FAM110A: variants seen among roughly 807,000 people sequenced by gnomAD.
FAM110A encodes protein FAM110A.
In FAM110A, 1 loss-of-function variant was observed where a neutral mutation model predicts 4.0. The observed-to-expected ratio is 0.25, with a 90% CI of 0.09 to 1.20. The LOEUF is 1.20. Ranked by LOEUF, FAM110A falls within the 50% of genes most tolerant of loss-of-function variation. The pLI is 0.50. For synonymous variants in FAM110A, 217 were observed against 196.8 expected (o/e 1.10, Z -0.86); for missense variants, 436 against 429.2 (o/e 1.02, Z -0.14).
chr20:840,091 A>G lies in FAM110A; in HGVS notation c.-97-4617A>G. The stretch of plus-strand genomic sequence containing the variant: ...TGTTACTACTATTAGCGCCTGAAGG[A>G]GCCTTCCCTCCCCATCCCCCATTTC... On this transcript the variant is annotated intron_variant, in intron 1 of 1. Coordinates refer to ENST00000381941, the MANE Select transcript of FAM110A (RefSeq NM_001042353.3). This position sits in a 1 kb window ranked among gnomAD's most constrained non-coding sequence, Gnocchi z 4.4. The G allele has an allele frequency of 1.5e-6, 1 of 686,944 alleles. No homozygotes were observed. 42.6% of individuals were successfully genotyped at this position (686,944 alleles called of 1,614,324 possible).
At position 834,822 on chromosome 20, in the gene FAM110A, A is replaced by G. The variant is rs957721359; in HGVS notation, c.-98+871A>G. Reference sequence around the variant, plus strand: ...TTCAATCTCTTCATAAGGGAGTTACATATCCTCTCTCCTCTGGAGCCTGCC... The same window carrying G: ...TTCAATCTCTTCATAAGGGAGTTACGTATCCTCTCTCCTCTGGAGCCTGCC... On this transcript the variant is annotated intron_variant, in intron 1 of 1. Transcript: ENST00000381941. The surrounding 1 kb of genome is among the most constrained non-coding windows in gnomAD (Gnocchi z 5.6). 6.6e-6 allele frequency among the ~76,000 whole-genome samples: 1 copy of G among 152,160 alleles called. No individual in the cohort carries two copies. Among genetic ancestry groups the G allele is most frequent in the Non-Finnish European group, 1.5e-5 (1 of 68,036 alleles).
At chr20:838,558 C>T (rs1044077261) in intron 1 of FAM110A, among the ~76,000 whole-genome samples, 2 of 151,946 alleles carry the variant, frequency 1.3e-5, no homozygotes, top group Non-Finnish European at 2.9e-5. Context: ...AATGAGTGCT[C>T]GGAAGGGAAT....
rs536409535 is a variant in FAM110A at position 840,901 on chromosome 20, T to A, written c.-97-3807T>A. 6.6e-5 allele frequency among the ~76,000 whole-genome samples: 10 copies of A among 152,260 alleles called. No individual in the cohort carries two copies. The highest frequency in any genetic ancestry group is 2.4e-4 in the African/African-American group (10 of 41,540). On this transcript the variant is annotated intron_variant, in intron 1 of 1. Coordinates refer to ENST00000381941, the MANE Select transcript of FAM110A (RefSeq NM_001042353.3). This position sits in a 1 kb window ranked among gnomAD's most constrained non-coding sequence, Gnocchi z 4.4. ...TGATTGTTGGGAAGATTAAAATGGGTTACCCGATACCAAGAAAAACACTTT... is the reference window on the plus strand; with the variant it reads ...TGATTGTTGGGAAGATTAAAATGGGATACCCGATACCAAGAAAAACACTTT...
At chr20:839,586 C>T (rs986482469) in intron 1 of FAM110A, 27 of 1,024,192 alleles carry the variant, frequency 2.6e-5, no homozygotes, top group Middle Eastern at 3.0e-4. Flanking sequence ...GTCAGCTTCC[C>T]GTCTTGTGAG....
rs1394415332 is a variant in FAM110A at position 839,903 on chromosome 20, CT to C, written c.-97-4803del. On this transcript the variant is annotated intron_variant, in intron 1 of 1. Coordinates refer to ENST00000381941, the MANE Select transcript of FAM110A (RefSeq NM_001042353.3). ...CCGGGTGCTTAGGCATGTGGACATC[CT>C]TCTTGGCCACCATGACTCCCTCCTT... The C allele has an allele frequency of 2.5e-6, 4 of 1,598,820 alleles. No homozygotes were observed. In the African/African-American group the frequency reaches 5.4e-5, roughly 21 times the overall value.
At chr20:839,991 G>A (rs137941836) in intron 1 of FAM110A, 2 of 1,249,128 alleles carry the variant, frequency 1.6e-6, no homozygotes, top group East Asian at 4.7e-5. Flanking sequence ...GGCAGCTGTA[G>A]GGTCCGGGGC....
chr20:845,243 A>G lies in FAM110A; in HGVS notation c.439A>G (p.Ser147Gly), dbSNP rs747556078. The G allele has an allele frequency of 2.9e-5, 44 of 1,521,846 alleles. No individual in the cohort carries two copies. In the South Asian group the frequency reaches 5.3e-4, roughly 18 times the overall value. 94.3% of individuals were successfully genotyped at this position (1,521,846 alleles called of 1,614,324 possible). A position where few individuals can be genotyped will look rare whatever the true frequency, so the allele number is the denominator to read the frequency against. ...AGCCACCCCTCCGCGACCGCCGCCCAGTACCTCTGCGGTCCGCCGGGTGGA... is the reference window on the plus strand; with the variant it reads ...AGCCACCCCTCCGCGACCGCCGCCCGGTACCTCTGCGGTCCGCCGGGTGGA... ...PPATPPRPPP[S>G]TSAVRRVDVR... The change falls in exon 2 of 2, where the codon AGT (serine) becomes GGT (glycine). Residue 147 changes from serine (S) to glycine (G), a missense_variant. Physicochemically the swap from Ser to Gly is moderately conservative, Grantham distance 56. Coordinates refer to ENST00000381941, the MANE Select transcript of FAM110A (RefSeq NM_001042353.3).
intron 1 of FAM110A, among the ~76,000 whole-genome samples, chr20:835,181 TC>T (rs1979504296): frequency 6.9e-6 from 1 of 144,078 alleles, no homozygotes; most frequent in African/African-American, 2.7e-5. Context: ...TCTCTCTCTC[TC>T]TCTCTCTCTC....
intron 1 of FAM110A, among the ~76,000 whole-genome samples, chr20:841,069 T>TCGGCTCC (rs1979863992): frequency 6.6e-6 from 1 of 152,098 alleles, no homozygotes; most frequent in Admixed American, 6.6e-5. Flanking sequence ...TGGGCGGGTC[T>TCGGCTCC]CGGCTCCCGG....
intron 1 of FAM110A, among the ~76,000 whole-genome samples, chr20:835,673 A>T (rs1306121571): frequency 1.3e-5 from 2 of 152,222 alleles, no homozygotes; most frequent in East Asian, 3.8e-4. Flanking sequence ...TGTTAGTGCA[A>T]GGCCACCCTG....
intron 1 of FAM110A, among the ~76,000 whole-genome samples, chr20:837,042 A>ATTT (rs1979608979): frequency 2.8e-5 from 3 of 107,920 alleles, no homozygotes; most frequent in African/African-American, 7.2e-5. Flanking sequence ...GTGACTCTGC[A>ATTT]TTGTTTTTTT....
chr20:835,782 T>C (rs1250257605), intron 1 of FAM110A, among the ~76,000 whole-genome samples: 1 of 152,216 alleles, frequency 6.6e-6, no homozygotes, highest in Non-Finnish European at 1.5e-5. Flanking sequence ...CCCAGCTGGG[T>C]GTCCCTGACC....
chr20:845,079 C>A lies in FAM110A; in HGVS notation c.275C>A (p.Ala92Asp). 1 of 1,596,138 alleles carries A rather than the reference C, an allele frequency of 6.3e-7. No individual in the cohort carries two copies. Among genetic ancestry groups the A allele is most frequent in the East Asian group, 2.3e-5 (1 of 44,018 alleles). Residue 92 changes from alanine to aspartate, a missense_variant, in exon 2 of 2, where the codon GCC becomes GAC. Ala to Asp is a moderately radical substitution (Grantham distance 126). Transcript: ENST00000381941. ...RRTVLTPSRR[A>D]LPGPCRRPQL... ...ACAGTGCTCACGCCCAGCCGCCGAG[C>A]CCTGCCTGGCCCCTGCCGACGGCCC...
In FAM110A at chr20:845,084, C is replaced by A. The variant is rs1368889156; in HGVS notation, c.280C>A (p.Pro94Thr). 6.3e-7 allele frequency: 1 copy of A among 1,597,166 alleles called. No homozygotes were observed. The highest frequency in any genetic ancestry group is 1.1e-5 in the South Asian group (1 of 88,714). Residue 94 changes from proline to threonine, a missense_variant, in exon 2 of 2, where the codon CCT (proline) becomes ACT (threonine). Transcript: ENST00000381941. ...GCTCACGCCCAGCCGCCGAGCCCTG[C>A]CTGGCCCCTGCCGACGGCCCCAGCT... Reference protein sequence around the residue: ...TVLTPSRRALPGPCRRPQLDL... With the variant: ...TVLTPSRRALTGPCRRPQLDL...
At chr20:843,043 A>G (rs1300822950) in intron 1 of FAM110A, among the ~76,000 whole-genome samples, 1 of 152,270 alleles carries the variant, frequency 6.6e-6, no homozygotes, top group African/African-American at 2.4e-5. Flanking sequence ...GGGGATAGAG[A>G]CAACAAAGAG....
Position 845,498 on chromosome 20 carries a change from G to A in FAM110A, c.694G>A (p.Val232Met). 3 of 1,612,376 alleles carry A rather than the reference G, an allele frequency of 1.9e-6. No homozygotes were observed. Among genetic ancestry groups the A allele is most frequent in the Non-Finnish European group, 1.7e-6 (2 of 1,179,230 alleles). Residue 232 changes from valine (V) to methionine (M), a missense_variant, in exon 2 of 2, where the codon GTG becomes ATG. Val to Met is a conservative substitution (Grantham distance 21). Transcript: ENST00000381941. ...CCTGGCACGGGCCAGCTCGGATATC[G>A]TGTCCCTGGCAGGGCCCAGTGCTGG... ...AHLARASSDI[V>M]SLAGPSAGPG...
At chr20:838,669 T>C (rs536728316) in intron 1 of FAM110A, among the ~76,000 whole-genome samples, 3 of 152,104 alleles carry the variant, frequency 2.0e-5, no homozygotes, top group Non-Finnish European at 4.4e-5. Flanking sequence ...GAACAGCTGG[T>C]GCAAAAGCCC....
chr20:839,856 G>A, intron 1 of FAM110A: 10 of 1,605,698 alleles, frequency 6.2e-6, no homozygotes, highest in Non-Finnish European at 8.5e-6. Context: ...GTGAAGGTTG[G>A]GCACATTCTT....
At chr20:841,499 C>T (rs928538256) in intron 1 of FAM110A, among the ~76,000 whole-genome samples, 1 of 152,226 alleles carries the variant, frequency 6.6e-6, no homozygotes, top group African/African-American at 2.4e-5. Context: ...AAGGGTCACA[C>T]AGCGCCCTGC....
Sources: gnomAD v4.1 joint callset for allele counts (sites outside exome capture counted in the v4.1 genomes callset) on GRCh38, gnomAD v4.1.1 for gene constraint, Gnocchi (gnomAD v3.1) non-coding constraint, MANE v1.5 for transcripts, NCBI Gene and HGNC (gene_info 2026-07-23, HGNC 2026-07-21) for gene names.